The following MAML2 variants were observed in gnomAD, a reference collection of about 807,000 sequenced individuals.
MAML2 encodes the protein mastermind like transcriptional coactivator 2.
A neutral mutation model predicts 96.1 loss-of-function variants in MAML2; 22 were observed. That is an observed-to-expected ratio of 0.23 (90% CI 0.16 to 0.33). The LOEUF (loss-of-function observed/expected upper bound fraction) is 0.33, where lower values mean the gene tolerates loss of function less well. Ranked by LOEUF, MAML2 falls within the 10% of genes least tolerant of loss-of-function variation. The pLI is 1.00. For synonymous variants in MAML2, 561 were observed against 521.3 expected (o/e 1.08, Z -1.04); for missense variants, 1,367 against 1,392.4 (o/e 0.98, Z 0.29).
rs746418006 is a variant in MAML2 at position 96,092,686 on chromosome 11, T to G, written c.1345A>C (p.Met449Leu). 1 of 1,613,986 alleles carries G rather than the reference T, an allele frequency of 6.2e-7. No individual in the cohort carries two copies. The highest frequency in any genetic ancestry group is 1.1e-5 in the South Asian group (1 of 91,084). Residue 449 changes from methionine (M) to leucine (L), a missense_variant, in exon 2 of 5, where the codon ATG becomes CTG. Met to Leu is a conservative substitution (Grantham distance 15). Transcript: ENST00000524717. This position sits in a 1 kb window ranked among gnomAD's most constrained non-coding sequence, Gnocchi z 4.1. ...IAANRQQHAR[M>L]QQHQQQHQPT... ...TGGTGCTGCTGCTGGTGCTGCTGCA[T>G]CCGGGCATGCTGCTGACGATTAGCA...
intron 1 of MAML2, among the ~76,000 whole-genome samples, chr11:96,281,674 A>T (rs144705349): frequency 1.3e-5 from 2 of 152,248 alleles, no homozygotes; most frequent in Non-Finnish European, 2.9e-5. Context: ...CTTACTGATC[A>T]GTATGGGCAA....
At chr11:96,260,045 T>C (rs1373742974) in intron 1 of MAML2, among the ~76,000 whole-genome samples, 1 of 152,128 alleles carries the variant, frequency 6.6e-6, no homozygotes, top group African/African-American at 2.4e-5. Flanking sequence ...AGAGAAAACT[T>C]ATTCAATAAA....
rs556253614 is a variant in MAML2 at position 96,017,234 on chromosome 11, T to C, written c.2140-25511A>G. ...TGCACAACATTTGTTAGTTAGTAAA[T>C]GGCGAATCTAAATCCAGTTTGGAAA... On this transcript the variant is annotated intron_variant, in intron 2 of 4. Transcript: ENST00000524717. Among the ~76,000 whole-genome samples, 10 of 152,342 alleles carry C rather than the reference T, an allele frequency of 6.6e-5. No individual in the cohort carries two copies. The East Asian group carries it at 1.9e-3, about 29-fold the overall frequency.
chr11:95,996,937 C>T (rs895106935), intron 2 of MAML2, among the ~76,000 whole-genome samples: 3 of 152,124 alleles, frequency 2.0e-5, no homozygotes, highest in African/African-American at 7.2e-5. Context: ...ATCGCACATT[C>T]TCAGCTGATA....
At chr11:96,259,798 GTCAAC>G (rs1298728914) in intron 1 of MAML2, among the ~76,000 whole-genome samples, 4 of 152,144 alleles carry the variant, frequency 2.6e-5, no homozygotes, top group Non-Finnish European at 4.4e-5. Flanking sequence ...CAGTAAAGGT[GTCAAC>G]TCTTCTTTTT....
chr11:96,266,796 G>A (rs1415092749), intron 1 of MAML2, among the ~76,000 whole-genome samples: 3 of 152,104 alleles, frequency 2.0e-5, no homozygotes, highest in Non-Finnish European at 4.4e-5. Context: ...TATGTGGTTA[G>A]GTATGTTTCC....
At chr11:96,222,590 T>A (rs1033859024) in intron 1 of MAML2, among the ~76,000 whole-genome samples, 3 of 152,238 alleles carry the variant, frequency 2.0e-5, no homozygotes, top group Non-Finnish European at 4.4e-5. Context: ...TAATGAGATA[T>A]CATTTCCCAG....
intron 1 of MAML2, among the ~76,000 whole-genome samples, chr11:96,316,515 T>A (rs1483004177): frequency 6.6e-6 from 1 of 151,924 alleles, no homozygotes; most frequent in Non-Finnish European, 1.5e-5. Context: ...GGTGATGAGT[T>A]GGAGAAATAA....
intron 1 of MAML2, among the ~76,000 whole-genome samples, chr11:96,205,096 C>A (rs913533423): frequency 3.3e-5 from 5 of 152,176 alleles, no homozygotes; most frequent in African/African-American, 1.2e-4. Context: ...GTGAATTTTA[C>A]AGTATGATGT....
intron 1 of MAML2, among the ~76,000 whole-genome samples, chr11:96,160,723 C>T (rs1264328958): frequency 6.6e-6 from 1 of 152,184 alleles, no homozygotes; most frequent in African/African-American, 2.4e-5. Context: ...CCACTGAGCC[C>T]AACCCAGTTT....
In MAML2 at chr11:96,082,750, T is replaced by A. The variant is rs529508428; in HGVS notation, c.2139+9142A>T. Among the ~76,000 whole-genome samples the A allele has an allele frequency of 4.6e-5, 7 of 152,108 alleles. No homozygotes were observed. The South Asian group carries it at 1.2e-3, about 27-fold the overall frequency. Reference sequence around the variant, plus strand: ...CCAACTACCATCTGGAGGGACAAGGTAGCTGGAAAGAAGGAGGTAAAAAGG... The same window carrying A: ...CCAACTACCATCTGGAGGGACAAGGAAGCTGGAAAGAAGGAGGTAAAAAGG... On this transcript the variant is annotated intron_variant, in intron 2 of 4. Coordinates refer to ENST00000524717, the MANE Select transcript of MAML2 (RefSeq NM_032427.4).
chr11:96,121,688 A>T (rs1270109889), intron 1 of MAML2, among the ~76,000 whole-genome samples: 1 of 151,916 alleles, frequency 6.6e-6, no homozygotes, highest in African/African-American at 2.4e-5. Flanking sequence ...CTTTTTCGCA[A>T]CATAAAGAAA....
At chr11:96,295,749 A>G (rs974009694) in intron 1 of MAML2, among the ~76,000 whole-genome samples, 1 of 148,886 alleles carries the variant, frequency 6.7e-6, no homozygotes, top group Non-Finnish European at 1.5e-5. Context: ...TACATGTACC[A>G]TAGTAGTACC....
chr11:96,037,757 C>T (rs1049297695), intron 2 of MAML2, among the ~76,000 whole-genome samples: 4 of 152,204 alleles, frequency 2.6e-5, no homozygotes, highest in African/African-American at 9.7e-5. Context: ...GATGTGTCAC[C>T]AGCCAGGAGC....
chr11:96,240,354 T>C (rs1166881204), intron 1 of MAML2, among the ~76,000 whole-genome samples: 1 of 151,548 alleles, frequency 6.6e-6, no homozygotes, highest in Non-Finnish European at 1.5e-5. Context: ...ATCGAGACCA[T>C]CCTGGCTAAC....
intron 2 of MAML2, among the ~76,000 whole-genome samples, chr11:96,015,047 A>G (rs1046885152): frequency 6.6e-6 from 1 of 152,192 alleles, no homozygotes; most frequent in African/African-American, 2.4e-5. Flanking sequence ...TAGATGAGAG[A>G]ACTGACATTT....
At chr11:96,110,927 G>A (rs1860109071) in intron 1 of MAML2, among the ~76,000 whole-genome samples, 1 of 152,216 alleles carries the variant, frequency 6.6e-6, no homozygotes, top group Non-Finnish European at 1.5e-5. Context: ...TATGGGACTT[G>A]CTTTTGACCA....
chr11:96,314,047 G>C (rs1044314171), intron 1 of MAML2, among the ~76,000 whole-genome samples: 3 of 152,140 alleles, frequency 2.0e-5, no homozygotes, highest in Non-Finnish European at 4.4e-5. Flanking sequence ...CTCCCCATAG[G>C]GTCTTTGGGA....
rs571769549 is a variant in MAML2, at chr11:96,228,579, C to T, written c.513+112804G>A. ...ATAAAATAAGAAGATGGCCGCTGTCCACCTTCCATTGGGACATTTTACTTT... is the reference window on the plus strand; with the variant it reads ...ATAAAATAAGAAGATGGCCGCTGTCTACCTTCCATTGGGACATTTTACTTT... On this transcript the variant is annotated intron_variant, in intron 1 of 4. Transcript: ENST00000524717. Among the ~76,000 whole-genome samples the T allele has an allele frequency of 2.6e-5, 4 of 152,264 alleles. No homozygotes were observed. In the South Asian group the frequency reaches 6.2e-4, roughly 24 times the overall value.
Sources: gnomAD v4.1 joint callset for allele counts (sites outside exome capture counted in the v4.1 genomes callset) on GRCh38, gnomAD v4.1.1 for gene constraint, Gnocchi (gnomAD v3.1) non-coding constraint, MANE v1.5 for transcripts, NCBI Gene and HGNC (gene_info 2026-07-23, HGNC 2026-07-21) for gene names.